The following LRRC7 variants were observed in gnomAD, a reference collection of about 807,000 sequenced individuals.
The protein encoded by LRRC7 is leucine-rich repeat-containing protein 7.
Under a neutral mutation model 175.7 loss-of-function variants are expected in LRRC7, and 23 were observed. The observed-to-expected ratio is 0.13, with a 90% confidence interval of 0.09 to 0.19. The LOEUF (loss-of-function observed/expected upper bound fraction) is 0.19. LRRC7 is among the 10% of genes least tolerant of loss of function. LRRC7 has a pLI of 1.00. For synonymous variants in LRRC7, 685 were observed against 680.9 expected (o/e 1.01, Z -0.09); for missense variants, 1,354 against 1,904.7 (o/e 0.71, Z 5.38).
At position 70,053,246 on chromosome 1, in the gene LRRC7, A is replaced by G. The variant is rs938697254; in HGVS notation, c.4230+101A>G. The G allele has an allele frequency of 6.9e-6, 8 of 1,166,766 alleles. No homozygotes were observed. In the African/African-American group the frequency reaches 1.3e-4, roughly 19 times the overall value. The allele number at this position is 1,166,766 out of a possible 1,614,324, so 72.3% of individuals were successfully genotyped here. A position where few individuals can be genotyped will look rare whatever the true frequency, so the allele number is the denominator to read the frequency against. ...TCTTATCATAATTTCTAAGTTTGTG[A>G]TAACTTTAAGGTAAATATTATGCTA... On this transcript the variant is annotated intron_variant, in intron 23 of 26. Coordinates refer to ENST00000651989, the MANE Select transcript of LRRC7 (RefSeq NM_001370785.2).
At chr1:69,975,186 C>T (rs917567124) in intron 8 of LRRC7, among the ~76,000 whole-genome samples, 1 of 152,182 alleles carries the variant, frequency 6.6e-6, no homozygotes, top group African/African-American at 2.4e-5. Context: ...TCATCTTTCT[C>T]TGCCACTTTG....
At chr1:69,991,508 T>C (rs1039250421) in intron 10 of LRRC7, among the ~76,000 whole-genome samples, 4 of 152,158 alleles carry the variant, frequency 2.6e-5, no homozygotes, top group Admixed American at 2.6e-4. Context: ...TGATTCTAAA[T>C]GTAGAGTAGC....
chr1:70,070,068 A>G (rs1662267428), intron 23 of LRRC7, among the ~76,000 whole-genome samples: 1 of 152,078 alleles, frequency 6.6e-6, no homozygotes, highest in East Asian at 1.9e-4. Context: ...ATCAGAGCTC[A>G]TTGCAGCCTG....
intron 1 of LRRC7, among the ~76,000 whole-genome samples, chr1:69,614,710 TGAG>T (rs1649347648): frequency 6.6e-6 from 1 of 152,122 alleles, no homozygotes; most frequent in African/African-American, 2.4e-5. Context: ...CTGTGTGACT[TGAG>T]GAATACAAAA....
intron 1 of LRRC7, among the ~76,000 whole-genome samples, chr1:69,586,047 C>G (rs894415750): frequency 1.3e-5 from 2 of 152,140 alleles, no homozygotes; most frequent in African/African-American, 4.8e-5. Flanking sequence ...AGAATTAAAT[C>G]TACTGTTGTT....
chr1:70,113,105 C>T (rs1665630102), intron 26 of LRRC7, among the ~76,000 whole-genome samples: 1 of 152,110 alleles, frequency 6.6e-6, no homozygotes, highest in South Asian at 2.1e-4. Context: ...TAAGTTCAGA[C>T]TCCACAAAGA....
intron 23 of LRRC7, among the ~76,000 whole-genome samples, chr1:70,064,239 A>G (rs899673807): frequency 2.0e-5 from 3 of 152,006 alleles, no homozygotes; most frequent in Non-Finnish European, 4.4e-5. Context: ...GAGAACATAG[A>G]TTTTGGCATC....
At chr1:70,070,672 T>G (rs1662314884) in intron 23 of LRRC7, among the ~76,000 whole-genome samples, 1 of 152,160 alleles carries the variant, frequency 6.6e-6, no homozygotes, top group Non-Finnish European at 1.5e-5. Flanking sequence ...CAATTCAGCT[T>G]CCAGTGACAG....
At position 69,993,474 on chromosome 1, in the gene LRRC7, T is replaced by C. The variant is rs1488281571; in HGVS notation, c.932-1087T>C. Reference sequence around the variant, plus strand: ...ATTTGAGAAATATGGGCATGATCTATAGCCAGTTTCTCAAAACATGTTCAC... The same window carrying C: ...ATTTGAGAAATATGGGCATGATCTACAGCCAGTTTCTCAAAACATGTTCAC... On this transcript the variant is annotated intron_variant, in intron 10 of 26. Transcript: ENST00000651989. Among the ~76,000 whole-genome samples, 4 of 152,158 alleles carry C rather than the reference T, an allele frequency of 2.6e-5. 1 individual carries two copies. The South Asian group carries it at 8.3e-4, about 31-fold the overall frequency.
intron 1 of LRRC7, among the ~76,000 whole-genome samples, chr1:69,604,969 T>A (rs764846750): frequency 6.6e-6 from 1 of 152,202 alleles, no homozygotes; most frequent in African/African-American, 2.4e-5. Flanking sequence ...TAACATGTGA[T>A]ACCCCATTGA....
chr1:69,959,055 A>T (rs1285354762), intron 8 of LRRC7, among the ~76,000 whole-genome samples: 1 of 152,064 alleles, frequency 6.6e-6, no homozygotes, highest in Non-Finnish European at 1.5e-5. Flanking sequence ...GTTATGAAAG[A>T]GTCTCAGAGA....
chr1:69,869,179 A>G (rs1053638193), intron 7 of LRRC7, among the ~76,000 whole-genome samples: 27 of 152,108 alleles, frequency 1.8e-4, no homozygotes, highest in African/African-American at 6.5e-4. Flanking sequence ...GAAGAGATAA[A>G]TCAATAGGTT....
chr1:70,050,180 TAGAG>T (rs1558026762), intron 22 of LRRC7, among the ~76,000 whole-genome samples: 1 of 152,032 alleles, frequency 6.6e-6, no homozygotes, highest in African/African-American at 2.4e-5. Flanking sequence ...TATATAGATA[TAGAG>T]AAAGAGGCAT....
At chr1:69,852,499 AT>A (rs1435590957) in intron 7 of LRRC7, among the ~76,000 whole-genome samples, 2 of 152,128 alleles carry the variant, frequency 1.3e-5, no homozygotes, top group Non-Finnish European at 2.9e-5. Flanking sequence ...TACAATGTTC[AT>A]TGTTTATCTT....
In LRRC7 at chr1:70,143,541, CA is replaced by C. The variant is rs1410206959; in HGVS notation, c.*21656del. On this transcript the variant is annotated 3_prime_UTR_variant, in exon 27 of 27. Transcript: ENST00000651989. ...TGTAAAGCTTTTATGGAAGAACCAA[CA>C]AGCCACAGCAGTATAGCAAAAGAGG... is the stretch of plus-strand genomic sequence containing the variant. 2 of 152,072 alleles carry C rather than the reference CA, an allele frequency of 1.3e-5. No homozygotes were observed. The highest frequency in any genetic ancestry group is 4.8e-5 in the African/African-American group (2 of 41,422). 9.4% of individuals were successfully genotyped at this position (152,072 alleles called of 1,614,324 possible).
intron 2 of LRRC7, among the ~76,000 whole-genome samples, chr1:69,729,333 A>T (rs1667314849): frequency 6.6e-6 from 1 of 152,164 alleles, no homozygotes; most frequent in Admixed American, 6.5e-5. Context: ...CAGAAGTCCT[A>T]GTCCAAAGTC....
At chr1:69,812,691 G>A (rs1570078570) in intron 4 of LRRC7, among the ~76,000 whole-genome samples, 1 of 151,950 alleles carries the variant, frequency 6.6e-6, no homozygotes, top group East Asian at 1.9e-4. Context: ...ATATCACAGA[G>A]TAAACCATTT....
At chr1:69,961,542 G>A (rs1470129858) in intron 8 of LRRC7, among the ~76,000 whole-genome samples, 1 of 152,160 alleles carries the variant, frequency 6.6e-6, no homozygotes, top group East Asian at 1.9e-4. Context: ...TGGGCAGAAA[G>A]AACAAAGCTG....
At chr1:69,947,322 CT>C in intron 8 of LRRC7, among the ~76,000 whole-genome samples, 1 of 151,822 alleles carries the variant, frequency 6.6e-6, no homozygotes, top group African/African-American at 2.4e-5. Context: ...TGTCTTATAA[CT>C]TTTTTGTGTT....
Sources: allele counts gnomAD v4.1 joint callset (sites outside exome capture counted in the v4.1 genomes callset), GRCh38; gene constraint gnomAD v4.1.1; transcripts MANE v1.5; gene names NCBI Gene and HGNC (gene_info 2026-07-23, HGNC 2026-07-21).